GPC6: variants seen among roughly 807,000 people sequenced by gnomAD.
GPC6 encodes the protein glypican-6.
Under a neutral mutation model 55.2 loss-of-function variants are expected in GPC6, and 14 were observed. The observed-to-expected ratio is 0.25, with a 90% CI of 0.17 to 0.40. The LOEUF is 0.40. Ranked by LOEUF, GPC6 falls within the 10% of genes least tolerant of loss-of-function variation. The probability of loss-of-function intolerance (pLI) is 1.00; values close to 1 mark genes in which losing one functional copy is unlikely to be tolerated. For synonymous variants in GPC6, 278 were observed against 259.6 expected (o/e 1.07, Z -0.68); for missense variants, 641 against 708.5 (o/e 0.90, Z 1.08).
intron 1 of GPC6, among the ~76,000 whole-genome samples, chr13:93,534,068 C>T (rs1353851782): frequency 6.6e-6 from 1 of 152,066 alleles, no homozygotes; most frequent in East Asian, 1.9e-4. Context: ...CTGCAGAAAA[C>T]AGCAGTAGTA....
intron 6 of GPC6, among the ~76,000 whole-genome samples, chr13:94,307,285 G>C (rs752904894): frequency 6.6e-6 from 1 of 151,998 alleles, no homozygotes; most frequent in African/African-American, 2.4e-5. Flanking sequence ...ATTTGTAGTT[G>C]CTGCAACCTT....
At chr13:93,751,037 T>C (rs1035648364) in intron 2 of GPC6, among the ~76,000 whole-genome samples, 7 of 152,156 alleles carry the variant, frequency 4.6e-5, no homozygotes, top group African/African-American at 1.7e-4. Context: ...TTACTCTCTG[T>C]ATGCCTCCAA....
At chr13:93,480,197 G>T (rs1292656975) in intron 1 of GPC6, among the ~76,000 whole-genome samples, 1 of 152,082 alleles carries the variant, frequency 6.6e-6, no homozygotes, top group African/African-American at 2.4e-5. Context: ...ATTTTAAACT[G>T]TAATATACAC....
chr13:93,471,363 A>C (rs1300799122), intron 1 of GPC6, among the ~76,000 whole-genome samples: 1 of 8,988 alleles, frequency 1.1e-4, no homozygotes, highest in Non-Finnish European at 4.1e-4. Context: ...AAATACAAAA[A>C]AAAAAAAAAA....
intron 1 of GPC6, among the ~76,000 whole-genome samples, chr13:93,399,345 A>G (rs1451463467): frequency 6.6e-6 from 1 of 152,174 alleles, no homozygotes; most frequent in Non-Finnish European, 1.5e-5. Context: ...ACTGTAATCT[A>G]CATGAATGCA....
chr13:93,895,236 A>ATGTATGTGTGTGTGTGTG (rs1489088469), intron 3 of GPC6, among the ~76,000 whole-genome samples: 2 of 32,000 alleles, frequency 6.3e-5, no homozygotes, highest in African/African-American at 2.4e-4. Context: ...GTGTGTGTGT[A>ATGTATGTGTGTGTGTGTG]TATATATATA....
chr13:93,442,347 A>T (rs1188678212), intron 1 of GPC6, among the ~76,000 whole-genome samples: 4 of 152,158 alleles, frequency 2.6e-5, no homozygotes, highest in Non-Finnish European at 4.4e-5. Context: ...AAGTGATGGG[A>T]TCCCATACTA....
At chr13:93,943,593 C>T (rs1878843385) in intron 3 of GPC6, among the ~76,000 whole-genome samples, 1 of 152,016 alleles carries the variant, frequency 6.6e-6, no homozygotes. Context: ...ACCTTATGCA[C>T]ACAAATTTCT....
chr13:93,589,786 T>C (rs892008060), intron 2 of GPC6, among the ~76,000 whole-genome samples: 94 of 152,316 alleles, frequency 6.2e-4, no homozygotes, highest in Non-Finnish European at 4.7e-4. Flanking sequence ...TTCTGGTTAT[T>C]CCATGGAGAG....
At chr13:93,410,743 C>CT (rs1403869615) in intron 1 of GPC6, among the ~76,000 whole-genome samples, 1 of 152,126 alleles carries the variant, frequency 6.6e-6, no homozygotes, top group Admixed American at 6.6e-5. Flanking sequence ...CCAGGATAGT[C>CT]TTTGAGTTTC....
At chr13:93,778,832 A>G (rs9301908) in intron 2 of GPC6, among the ~76,000 whole-genome samples, 102,088 of 152,030 alleles carry the variant, frequency 0.67, 34,817 homozygotes, top group East Asian at 0.81. Flanking sequence ...TGTGTGCCTT[A>G]AGTTTCTGGG....
At chr13:93,387,771 A>G (rs1400172735) in intron 1 of GPC6, among the ~76,000 whole-genome samples, 1 of 152,218 alleles carries the variant, frequency 6.6e-6, no homozygotes, top group Non-Finnish European at 1.5e-5. Flanking sequence ...TGAAAGAAGT[A>G]CGTTTCCACA....
At chr13:93,295,310 AAAAG>A (rs1878455438) in intron 1 of GPC6, among the ~76,000 whole-genome samples, 1 of 144,650 alleles carries the variant, frequency 6.9e-6, no homozygotes, top group South Asian at 2.2e-4. Context: ...AAAAAAAAAA[AAAAG>A]AGAAAAAAGA....
At chr13:93,797,567 G>A (rs1311638550) in intron 2 of GPC6, among the ~76,000 whole-genome samples, 4 of 152,034 alleles carry the variant, frequency 2.6e-5, no homozygotes, top group Admixed American at 2.6e-4. Flanking sequence ...TGAATTTTGA[G>A]TTGCCAGTTT....
In GPC6 at chr13:93,447,207, A is replaced by G. The variant is rs117513779; in HGVS notation, c.161-98056A>G. On this transcript the variant is annotated intron_variant, in intron 1 of 8. Transcript: ENST00000377047. ...TTCTTATGTTAGTGGCAAAACAGTTACAGTATAAAGTTGAGAATTTGTTGC... is the reference window on the plus strand; with the variant it reads ...TTCTTATGTTAGTGGCAAAACAGTTGCAGTATAAAGTTGAGAATTTGTTGC... Among the ~76,000 whole-genome samples, 750 of 152,332 alleles carry G rather than the reference A, an allele frequency of 4.9e-3. 5 individuals are homozygous for G. The highest frequency in any genetic ancestry group is 0.031 in the Middle Eastern group (9 of 294).
intron 2 of GPC6, among the ~76,000 whole-genome samples, chr13:93,732,092 T>G (rs1314463307): frequency 6.6e-6 from 1 of 152,150 alleles, no homozygotes; most frequent in African/African-American, 2.4e-5. Flanking sequence ...CCATCATAGG[T>G]AGATGCAGCT....
rs183272194 is a variant in GPC6, at chr13:94,403,168, C to T, written c.1619C>T (p.Ser540Phe). The change falls in exon 9 of 9, where the codon TCC becomes TTC. Residue 540 changes from serine (S) to phenylalanine (F), a missense_variant. Ser to Phe is a radical substitution (Grantham distance 155). Transcript: ENST00000377047. Reference sequence around the variant, plus strand: ...GCCCAGCGTGGCCACTCCCTGCTCTCCTGGTCTCTCACCTGCATTGTCCTG... The same window carrying T: ...GCCCAGCGTGGCCACTCCCTGCTCTTCTGGTCTCTCACCTGCATTGTCCTG... Reference protein sequence around the residue: ...SAAQRGHSLLSWSLTCIVLAL... With the variant: ...SAAQRGHSLLFWSLTCIVLAL... 9.9e-6 allele frequency: 16 copies of T among 1,614,098 alleles called. No individual in the cohort carries two copies. The East Asian group carries it at 1.3e-4, about 13-fold the overall frequency.
rs1594696037 is a variant in GPC6, at chr13:94,050,697, T to C, written c.877+22803T>C. Among the ~76,000 whole-genome samples, 4 of 152,124 alleles carry C rather than the reference T, an allele frequency of 2.6e-5. No individual in the cohort carries two copies. In the South Asian group the frequency reaches 8.3e-4, roughly 32 times the overall value. On this transcript the variant is annotated intron_variant, in intron 4 of 8. Transcript: ENST00000377047. ...TCAGAGAGCAACATGATTTTTCTAC[T>C]CTCCTTATCTCTTTAGGGAGATAGG...
At chr13:93,255,483 A>G (rs1014347058) in intron 1 of GPC6, among the ~76,000 whole-genome samples, 5 of 152,166 alleles carry the variant, frequency 3.3e-5, no homozygotes, top group Admixed American at 3.3e-4. Flanking sequence ...GTACAAACTA[A>G]TATTTCTTTC....
Sources: allele counts gnomAD v4.1 joint callset (sites outside exome capture counted in the v4.1 genomes callset), GRCh38; gene constraint gnomAD v4.1.1; transcripts MANE v1.5; gene names NCBI Gene and HGNC (gene_info 2026-07-23, HGNC 2026-07-21).